The following HDAC9 variants were observed in gnomAD, a reference collection of about 807,000 sequenced individuals.
The protein encoded by HDAC9 is MEF-2 interacting transcription repressor (MITR) protein.
HDAC9 carries 41 observed loss-of-function variants against 139.4 expected under a neutral mutation model. That is an observed-to-expected ratio of 0.29 (90% CI 0.23 to 0.38). The LOEUF is 0.38. HDAC9 is among the 10% of genes least tolerant of loss of function. The pLI is 1.00. For synonymous variants in HDAC9, 517 were observed against 476.2 expected, an observed-to-expected ratio of 1.09 and a Z score of -1.12; for missense variants, 1,147 against 1,297.0, an observed-to-expected ratio of 0.88 and a Z score of 1.78.
intron 2 of HDAC9, among the ~76,000 whole-genome samples, chr7:18,251,771 TTAAC>T (rs1197894556): frequency 6.6e-6 from 1 of 152,046 alleles, no homozygotes; most frequent in African/African-American, 2.4e-5. Context: ...TGCATGTTCT[TTAAC>T]TATCTGAGTG....
At chr7:18,943,094 CAG>C (rs1422907906) in intron 23 of HDAC9, among the ~76,000 whole-genome samples, 3 of 151,926 alleles carry the variant, frequency 2.0e-5, no homozygotes, top group African/African-American at 4.8e-5. Flanking sequence ...CTTGCAGAAA[CAG>C]GGGCAAGTAA....
chr7:18,662,506 G>T (rs1372109235), intron 11 of HDAC9, among the ~76,000 whole-genome samples: 2 of 152,038 alleles, frequency 1.3e-5, no homozygotes, highest in African/African-American at 4.8e-5. Flanking sequence ...TCTGTGTGAT[G>T]GAGGACACAG....
intron 17 of HDAC9, among the ~76,000 whole-genome samples, chr7:18,824,078 G>GAAC (rs1447921742): frequency 0.014 from 2,052 of 150,522 alleles, 49 homozygotes; most frequent in African/African-American, 0.048. Flanking sequence ...AGAAGAAGAA[G>GAAC]AAGAAGAAGA....
In HDAC9 at chr7:18,578,274, C is replaced by T. The variant is rs151281759; in HGVS notation, c.23-7007C>T. On this transcript the variant is annotated intron_variant, in intron 2 of 25. Transcript: ENST00000686413. ...TCTTCTCTTTTCCACACAATGACAT[C>T]GAAGGTGTTTTGGCCTGCTATTCGT... The T allele has an allele frequency of 5.3e-4, 275 of 517,520 alleles. 1 individual carries two copies. Among genetic ancestry groups the T allele is most frequent in the African/African-American group, 4.7e-3 (246 of 52,048 alleles). 32.1% of individuals were successfully genotyped at this position (517,520 alleles called of 1,614,324 possible). A position where few individuals can be genotyped will look rare whatever the true frequency, so the allele number is the denominator to read the frequency against.
intron 22 of HDAC9, among the ~76,000 whole-genome samples, chr7:18,932,251 A>G (rs1278374102): frequency 6.6e-6 from 1 of 152,232 alleles, no homozygotes; most frequent in African/African-American, 2.4e-5. Context: ...ACGTGTTTTC[A>G]TTTATTTTTA....
At chr7:18,689,820 G>C (rs182518474) in intron 12 of HDAC9, among the ~76,000 whole-genome samples, 42 of 151,972 alleles carry the variant, frequency 2.8e-4, no homozygotes, top group African/African-American at 9.6e-4. Context: ...AAGCATTTTT[G>C]GTGTACTTGT....
chr7:18,118,431 T>C (rs1006562770), intron 1 of HDAC9, among the ~76,000 whole-genome samples: 4 of 152,216 alleles, frequency 2.6e-5, no homozygotes, highest in African/African-American at 9.6e-5. Flanking sequence ...TCTTCATGTA[T>C]AGAACATAGA....
At chr7:18,671,929 A>G (rs1306893589) in intron 12 of HDAC9, among the ~76,000 whole-genome samples, 2 of 151,992 alleles carry the variant, frequency 1.3e-5, no homozygotes, top group African/African-American at 4.8e-5. Context: ...ATTCCCTTGT[A>G]TGGCTATACA....
chr7:18,495,156 G>A (rs1796697263), upstream of HDAC9, among the ~76,000 whole-genome samples: 1 of 152,026 alleles, frequency 6.6e-6, no homozygotes, highest in Admixed American at 6.6e-5. Flanking sequence ...TGTTAGTCCT[G>A]AAACTAGAAG....
chr7:18,980,496 G>A (rs988329340), intron 25 of HDAC9, among the ~76,000 whole-genome samples: 1 of 152,070 alleles, frequency 6.6e-6, no homozygotes, highest in African/African-American at 2.4e-5. Context: ...TCTTTAAAAT[G>A]AGAGAAAAAT....
At position 18,257,518 on chromosome 7, in the gene HDAC9, TATAA is replaced by T. The variant is rs1161945088; in HGVS notation, c.25+95176_25+95179del. Among the ~76,000 whole-genome samples, 3 of 152,070 alleles carry T rather than the reference TATAA, an allele frequency of 2.0e-5. No individual in the cohort carries two copies. In the South Asian group the frequency reaches 6.2e-4, roughly 32 times the overall value. On this transcript the variant is annotated intron_variant, in intron 2 of 12. Transcript: ENST00000417496. ...AGGTGCTAAGGTACTATCCATTTTG[TATAA>T]ATAAATGACCCACATACTTGTCTCT... is the stretch of plus-strand genomic sequence containing the variant.
chr7:18,606,226 T>G (rs556259735), intron 6 of HDAC9, among the ~76,000 whole-genome samples: 3 of 152,342 alleles, frequency 2.0e-5, no homozygotes, highest in African/African-American at 7.2e-5. Flanking sequence ...TAATTTTTAC[T>G]TTGTTCAGCT....
At chr7:18,498,316 C>CA (rs1263997951) in intron 2 of HDAC9, among the ~76,000 whole-genome samples, 1 of 152,002 alleles carries the variant, frequency 6.6e-6, no homozygotes, top group Non-Finnish European at 1.5e-5. Flanking sequence ...AAGCACTTTA[C>CA]AAAATATGAT....
intron 12 of HDAC9, chr7:18,668,053 A>G (rs1795315119): frequency 1.0e-6 from 1 of 979,628 alleles, no homozygotes; most frequent in African/African-American, 1.8e-5. Context: ...AAATGTAGAC[A>G]TTGTTCAACT....
intron 22 of HDAC9, among the ~76,000 whole-genome samples, chr7:18,916,865 C>A (rs1803254990): frequency 6.6e-6 from 1 of 152,012 alleles, no homozygotes; most frequent in South Asian, 2.1e-4. Context: ...GTTTAATGGG[C>A]TTGGGTTCTT....
In HDAC9 at chr7:18,744,012, G is replaced by GTTTTTTTTTTTTTTT. The variant is rs35414332; in HGVS notation, c.1910-4986_1910-4972dup. ...TTTTTACATCTCACTTTTACTACTA[G>GTTTTTTTTTTTTTTT]TTTTTTTTTTTTTTTTTTTTTGAGA... On this transcript the variant is annotated intron_variant, in intron 13 of 25. Coordinates refer to ENST00000686413, the MANE Select transcript of HDAC9 (RefSeq NM_178425.4). Among the ~76,000 whole-genome samples the GTTTTTTTTTTTTTTT allele has an allele frequency of 1.2e-4, 13 of 110,434 alleles. 1 individual carries two copies. The highest frequency in any genetic ancestry group is 7.2e-4 in the East Asian group (2 of 2,770). 72.4% of individuals were successfully genotyped at this position (110,434 alleles called of 152,430 possible).
At chr7:18,752,445 A>G (rs1788533747) in intron 14 of HDAC9, among the ~76,000 whole-genome samples, 1 of 152,138 alleles carries the variant, frequency 6.6e-6, no homozygotes, top group Non-Finnish European at 1.5e-5. Flanking sequence ...GGACCCAAAT[A>G]AAGAGAATCA....
chr7:18,312,165 G>A (rs1010488322), intron 1 of HDAC9, among the ~76,000 whole-genome samples: 2 of 152,124 alleles, frequency 1.3e-5, no homozygotes, highest in African/African-American at 4.8e-5. Context: ...TCTTTCCCTG[G>A]TGCTTTTAAA....
intron 2 of HDAC9, among the ~76,000 whole-genome samples, chr7:18,181,187 C>G (rs1789402759): frequency 6.6e-6 from 1 of 152,132 alleles, no homozygotes; most frequent in Non-Finnish European, 1.5e-5. Flanking sequence ...TATTCAGCTA[C>G]TAAACGCCTG....
Sources: allele counts gnomAD v4.1 joint callset (sites outside exome capture counted in the v4.1 genomes callset), GRCh38; gene constraint gnomAD v4.1.1; transcripts MANE v1.5; gene names NCBI Gene and HGNC (gene_info 2026-07-23, HGNC 2026-07-21).